The following CAMKMT variants were observed in gnomAD, a reference collection of about 807,000 sequenced individuals.
The protein encoded by CAMKMT is CaM KMT.
A neutral mutation model predicts 48.0 loss-of-function variants in CAMKMT; 53 were observed. The observed-to-expected ratio is 1.10, with a 90% CI of 0.89 to 1.39. CAMKMT has a LOEUF of 1.39. Ranked by LOEUF, CAMKMT falls within the 40% of genes most tolerant of loss-of-function variation. CAMKMT has a pLI of 0.00. For synonymous variants in CAMKMT, 165 were observed against 152.3 expected (o/e 1.08, Z -0.61); for missense variants, 428 against 402.7 (o/e 1.06, Z -0.54).
At chr2:44,428,796 A>G (rs1684447495) in intron 3 of CAMKMT, among the ~76,000 whole-genome samples, 1 of 152,204 alleles carries the variant, frequency 6.6e-6, no homozygotes, top group Non-Finnish European at 1.5e-5. Context: ...CACCAGATAC[A>G]ACTCCAAATG....
chr2:44,570,344 G>A (rs1194575953), intron 3 of CAMKMT, among the ~76,000 whole-genome samples: 1 of 152,146 alleles, frequency 6.6e-6, no homozygotes. Flanking sequence ...TGTTATGGGA[G>A]AATGATAGAT....
intron 3 of CAMKMT, among the ~76,000 whole-genome samples, chr2:44,504,728 G>T (rs1670173574): frequency 6.6e-6 from 1 of 152,170 alleles, no homozygotes; most frequent in African/African-American, 2.4e-5. Flanking sequence ...TGTTGTCAAA[G>T]ATCTCTTAAT....
At chr2:44,620,174 T>C (rs1348147500) in intron 3 of CAMKMT, among the ~76,000 whole-genome samples, 5 of 152,232 alleles carry the variant, frequency 3.3e-5, no homozygotes, top group Non-Finnish European at 2.9e-5. Flanking sequence ...TCATTTATTG[T>C]TATTCAGAAT....
At chr2:44,510,769 C>A (rs948951253) in intron 3 of CAMKMT, among the ~76,000 whole-genome samples, 1 of 152,088 alleles carries the variant, frequency 6.6e-6, no homozygotes, top group Non-Finnish European at 1.5e-5. Context: ...ACGGTATACA[C>A]TGTACCCAGT....
In CAMKMT at chr2:44,683,822, CAAAAA is replaced by C. The variant is rs10644183; in HGVS notation, c.377-20444_377-20440del. The stretch of plus-strand genomic sequence containing the variant: ...TGGGCGACAGAGCGAGACTCTGTCT[CAAAAA>C]AAAAAAAAAAAAAAAAGAAAAAGAA... On this transcript the variant is annotated intron_variant, in intron 3 of 10. Coordinates refer to ENST00000378494, the MANE Select transcript of CAMKMT (RefSeq NM_024766.5). Among the ~76,000 whole-genome samples, 118 of 70,940 alleles carry C rather than the reference CAAAAA, an allele frequency of 1.7e-3. 1 individual carries two copies. The highest frequency in any genetic ancestry group is 5.9e-3 in the African/African-American group (109 of 18,400). 46.5% of individuals were successfully genotyped at this position (70,940 alleles called of 152,430 possible).
intron 3 of CAMKMT, among the ~76,000 whole-genome samples, chr2:44,638,990 G>A (rs1366768498): frequency 2.6e-5 from 4 of 152,190 alleles, no homozygotes; most frequent in Non-Finnish European, 5.9e-5. Context: ...TCCCCAAATG[G>A]TTTGTGCCAC....
chr2:44,666,082 C>G (rs1172450544), intron 3 of CAMKMT, among the ~76,000 whole-genome samples: 1 of 152,114 alleles, frequency 6.6e-6, no homozygotes, highest in East Asian at 1.9e-4. Context: ...AGAGATACAT[C>G]CAGATTGAGC....
At chr2:44,420,275 T>C (rs1683842795) in intron 3 of CAMKMT, among the ~76,000 whole-genome samples, 1 of 152,194 alleles carries the variant, frequency 6.6e-6, no homozygotes, top group South Asian at 2.1e-4. Context: ...AGTCTCAGAC[T>C]GTTTTCTAAT....
chr2:44,656,687 G>A (rs1035808058), intron 3 of CAMKMT, among the ~76,000 whole-genome samples: 1 of 151,916 alleles, frequency 6.6e-6, no homozygotes, highest in African/African-American at 2.4e-5. Flanking sequence ...AAAGGCCTCT[G>A]GAAAAGGTCC....
intron 3 of CAMKMT, among the ~76,000 whole-genome samples, chr2:44,429,251 T>A (rs1037722807): frequency 1.4e-5 from 2 of 140,830 alleles, no homozygotes; most frequent in African/African-American, 2.8e-5. Context: ...TCAGGAGGTT[T>A]TATATATATG....
At chr2:44,493,479 T>C (rs1349711787) in intron 3 of CAMKMT, among the ~76,000 whole-genome samples, 2 of 152,236 alleles carry the variant, frequency 1.3e-5, no homozygotes, top group Non-Finnish European at 1.5e-5. Context: ...CTGTTGTTTT[T>C]ATTTGTTTTA....
intron 3 of CAMKMT, among the ~76,000 whole-genome samples, chr2:44,538,347 G>A (rs1384591663): frequency 2.7e-5 from 4 of 146,136 alleles, no homozygotes; most frequent in Non-Finnish European, 4.5e-5. Context: ...CAGCCTGGGC[G>A]ACAGAGCGAG....
chr2:44,599,272 C>T (rs1670844115), intron 3 of CAMKMT, among the ~76,000 whole-genome samples: 1 of 152,046 alleles, frequency 6.6e-6, no homozygotes, highest in Non-Finnish European at 1.5e-5. Flanking sequence ...GAAAGTGACA[C>T]TTCATAATAC....
intron 3 of CAMKMT, among the ~76,000 whole-genome samples, chr2:44,459,797 T>G (rs188711352): frequency 7.9e-5 from 12 of 152,324 alleles, no homozygotes; most frequent in Admixed American, 5.2e-4. Flanking sequence ...TCTCAAAAAT[T>G]CATTTAAGTC....
At chr2:44,703,564 G>C (rs957465489) in intron 3 of CAMKMT, among the ~76,000 whole-genome samples, 2 of 152,064 alleles carry the variant, frequency 1.3e-5, no homozygotes, top group African/African-American at 4.8e-5. Flanking sequence ...CAGATCACGA[G>C]GTCAGGAGTT....
chr2:44,524,270 G>T (rs140921819), intron 3 of CAMKMT, among the ~76,000 whole-genome samples: 16 of 152,132 alleles, frequency 1.1e-4, no homozygotes, highest in African/African-American at 3.9e-4. Context: ...CACAGGGGTG[G>T]TAAAATTCAA....
In CAMKMT at chr2:44,361,959, G is replaced by C. The variant is rs1036059729; in HGVS notation, c.-49G>C. On this transcript the variant is annotated 5_prime_UTR_variant, in exon 1 of 11. Transcript: ENST00000378494. ...GGAAGAAGTTGGCAGGTCCTGGCAG[G>C]GGACGAGCTGCGGCGGTGGCACCTC... 7.3e-7 allele frequency: 1 copy of C among 1,362,078 alleles called. No homozygotes were observed. The highest frequency in any genetic ancestry group is 9.4e-7 in the Non-Finnish European group (1 of 1,062,720). 84.4% of individuals were successfully genotyped at this position (1,362,078 alleles called of 1,614,324 possible).
chr2:44,750,801 G>T (rs556865667), intron 8 of CAMKMT, among the ~76,000 whole-genome samples: 2 of 152,314 alleles, frequency 1.3e-5, no homozygotes, highest in South Asian at 4.1e-4. Context: ...ATCACCTGAG[G>T]TCAGGAGTTT....
At chr2:44,421,255 CTT>C (rs1464616654) in intron 3 of CAMKMT, among the ~76,000 whole-genome samples, 1 of 152,060 alleles carries the variant, frequency 6.6e-6, no homozygotes, top group Non-Finnish European at 1.5e-5. Context: ...TGAAGAAAGA[CTT>C]TTGTCTTTTG....
Sources: allele counts gnomAD v4.1 joint callset (sites outside exome capture counted in the v4.1 genomes callset), GRCh38; gene constraint gnomAD v4.1.1; transcripts MANE v1.5; gene names NCBI Gene and HGNC (gene_info 2026-07-23, HGNC 2026-07-21).